SLC24A2: variants seen among roughly 807,000 people sequenced by gnomAD.
SLC24A2 encodes the protein solute carrier family 24 member 2, also known as sodium/potassium/calcium exchanger 2.
Under a neutral mutation model 62.0 loss-of-function variants are expected in SLC24A2, and 36 were observed. That is an observed-to-expected ratio of 0.58 (90% CI 0.44 to 0.77). The LOEUF is 0.77. SLC24A2 is among the 30% of genes least tolerant of loss of function. The probability of loss-of-function intolerance (pLI) is 0.00; values close to 1 mark genes in which losing one functional copy is unlikely to be tolerated. For missense variants in SLC24A2, 846 were observed against 817.9 expected (o/e 1.03, Z -0.42); for synonymous variants, 358 against 294.0 (o/e 1.22, Z -2.23).
At chr9:19,739,650 A>T (rs1379538900) in intron 2 of SLC24A2, among the ~76,000 whole-genome samples, 1 of 152,202 alleles carries the variant, frequency 6.6e-6, no homozygotes, top group African/African-American at 2.4e-5. Context: ...CTTACGTCAT[A>T]AACAAAGGTC....
intron 4 of SLC24A2, among the ~76,000 whole-genome samples, chr9:19,616,605 G>A (rs1001889207): frequency 2.0e-5 from 3 of 152,154 alleles, no homozygotes; most frequent in Admixed American, 6.5e-5. Flanking sequence ...TCATGACTTT[G>A]AACAAGTTGC....
At chr9:20,138,894 T>C in the SLC24A2 span, among the ~76,000 whole-genome samples, 1 of 152,224 alleles carries the variant, frequency 6.6e-6, no homozygotes, top group Non-Finnish European at 1.5e-5. Flanking sequence ...TCATTGATGA[T>C]GCCAATTCAA....
the SLC24A2 span, among the ~76,000 whole-genome samples, chr9:20,271,910 C>G: frequency 6.6e-6 from 1 of 152,142 alleles, no homozygotes; most frequent in Non-Finnish European, 1.5e-5. Flanking sequence ...TGGTGCTATG[C>G]CACCTAATGG....
At chr9:19,749,028 G>A (rs1319360216) in intron 2 of SLC24A2, among the ~76,000 whole-genome samples, 1 of 150,616 alleles carries the variant, frequency 6.6e-6, no homozygotes, top group Non-Finnish European at 1.5e-5. Context: ...AGCTTCCAGA[G>A]TTATTTCCAG....
chr9:20,190,092 A>T, the SLC24A2 span, among the ~76,000 whole-genome samples: 1 of 152,168 alleles, frequency 6.6e-6, no homozygotes, highest in Admixed American at 6.5e-5. Context: ...GAGAGTTTGC[A>T]TTGGTTCATA....
chr9:20,149,790 G>A, the SLC24A2 span, among the ~76,000 whole-genome samples: 1 of 152,034 alleles, frequency 6.6e-6, no homozygotes. Context: ...GGGCTAGTTT[G>A]CTGACCCATG....
intron 2 of SLC24A2, among the ~76,000 whole-genome samples, chr9:19,723,095 A>G (rs997767829): frequency 6.6e-6 from 1 of 152,170 alleles, no homozygotes; most frequent in African/African-American, 2.4e-5. Flanking sequence ...TATCATCAAC[A>G]TTTAAAGACC....
the SLC24A2 span, among the ~76,000 whole-genome samples, chr9:20,124,342 C>T: frequency 1.3e-5 from 2 of 151,208 alleles, no homozygotes; most frequent in African/African-American, 4.9e-5. Flanking sequence ...TACCATAAAC[C>T]TGTAGAGAAA....
At chr9:20,158,428 A>G in the SLC24A2 span, among the ~76,000 whole-genome samples, 1 of 151,604 alleles carries the variant, frequency 6.6e-6, no homozygotes, top group Non-Finnish European at 1.5e-5. Flanking sequence ...AAAGGGCTTC[A>G]GCAAGCCTAT....
intron 2 of SLC24A2, among the ~76,000 whole-genome samples, chr9:19,733,786 G>C (rs1821413909): frequency 1.3e-5 from 2 of 152,100 alleles, no homozygotes; most frequent in South Asian, 2.1e-4. Flanking sequence ...TACGTTTGTG[G>C]TTTAACATAT....
At position 19,649,206 on chromosome 9, in the gene SLC24A2, T is replaced by C. The variant is rs143317394; in HGVS notation, c.931-26907A>G. 5.6e-3 allele frequency among the ~76,000 whole-genome samples: 846 copies of C among 152,244 alleles called. 6 individuals carry two copies. The highest frequency in any genetic ancestry group is 0.014 in the Middle Eastern group (4 of 294). ...TGGAACTATAGCTAAATAGCTTTGA[T>C]AATCAGGGTACACAAAACTTTGTAC... On this transcript the variant is annotated intron_variant, in intron 2 of 10. Coordinates refer to ENST00000341998, the MANE Select transcript of SLC24A2 (RefSeq NM_020344.4).
At chr9:19,689,371 T>A (rs1032182198) in intron 2 of SLC24A2, among the ~76,000 whole-genome samples, 1 of 152,182 alleles carries the variant, frequency 6.6e-6, no homozygotes, top group African/African-American at 2.4e-5. Context: ...TTAGTCTCAA[T>A]AAGATTGATA....
At chr9:20,109,819 C>G in the SLC24A2 span, among the ~76,000 whole-genome samples, 1 of 151,958 alleles carries the variant, frequency 6.6e-6, no homozygotes, top group African/African-American at 2.4e-5. Flanking sequence ...CTAGAGGAAC[C>G]CAACACACAA....
intron 2 of SLC24A2, among the ~76,000 whole-genome samples, chr9:19,718,722 A>G (rs1344180481): frequency 6.6e-6 from 1 of 152,142 alleles, no homozygotes; most frequent in African/African-American, 2.4e-5. Flanking sequence ...AGACCTCGAC[A>G]TGAATCTCAT....
Position 19,515,897 on chromosome 9 carries a change from A to G in SLC24A2, c.*256T>C. 2.1e-6 allele frequency: 1 copy of G among 486,170 alleles called. No individual in the cohort carries two copies. Among genetic ancestry groups the G allele is most frequent in the Non-Finnish European group, 3.8e-6 (1 of 265,746 alleles). The allele number at this position is 486,170 out of a possible 1,614,324, so 30.1% of individuals were successfully genotyped here. A position where few individuals can be genotyped will look rare whatever the true frequency, so the allele number is the denominator to read the frequency against. On this transcript the variant is annotated 3_prime_UTR_variant, in exon 11 of 11. Coordinates refer to ENST00000341998, the MANE Select transcript of SLC24A2 (RefSeq NM_020344.4). Reference sequence around the variant, plus strand: ...CTCCGACCAGCGAGGTGTACTTGTCAGTGGTGAATAGGGAGAAGCCCTGTA... The same window carrying G: ...CTCCGACCAGCGAGGTGTACTTGTCGGTGGTGAATAGGGAGAAGCCCTGTA...
At chr9:19,776,336 G>C (rs1339205331) in intron 2 of SLC24A2, among the ~76,000 whole-genome samples, 1 of 152,180 alleles carries the variant, frequency 6.6e-6, no homozygotes, top group African/African-American at 2.4e-5. Flanking sequence ...TTGAACCTTA[G>C]GCAATCATTT....
chr9:20,183,798 G>T, the SLC24A2 span, among the ~76,000 whole-genome samples: 1 of 152,172 alleles, frequency 6.6e-6, no homozygotes, highest in African/African-American at 2.4e-5. Flanking sequence ...GAGAGGGAAA[G>T]GGTCAAGTAG....
chr9:20,285,893 C>A, the SLC24A2 span, among the ~76,000 whole-genome samples: 2 of 152,120 alleles, frequency 1.3e-5, no homozygotes, highest in African/African-American at 4.8e-5. Context: ...CATCAGCAAG[C>A]CAAGGAGAGA....
chr9:19,883,622 G>C, the SLC24A2 span, among the ~76,000 whole-genome samples: 4 of 151,086 alleles, frequency 2.6e-5, no homozygotes, highest in African/African-American at 7.3e-5. Context: ...CTGAAGTGCA[G>C]TGGTGCTATC....
Sources: gnomAD v4.1 joint callset for allele counts (sites outside exome capture counted in the v4.1 genomes callset) on GRCh38, gnomAD v4.1.1 for gene constraint, MANE v1.5 for transcripts, NCBI Gene and HGNC (gene_info 2026-07-23, HGNC 2026-07-21) for gene names.